The following KCND2 variants were observed in gnomAD, a reference collection of about 807,000 sequenced individuals.
KCND2 encodes the protein potassium voltage-gated channel subfamily D member 2.
Under a neutral mutation model 54.4 loss-of-function variants are expected in KCND2, and 16 were observed. That is an observed-to-expected ratio of 0.29 (90% CI 0.20 to 0.45). The LOEUF is 0.45. KCND2 is among the 20% of genes least tolerant of loss of function. The pLI is 1.00. For missense variants in KCND2, 486 were observed against 824.2 expected (o/e 0.59, Z 5.02); for synonymous variants, 317 against 310.7 (o/e 1.02, Z -0.21).
intron 1 of KCND2, among the ~76,000 whole-genome samples, chr7:120,599,516 T>C (rs1792788479): frequency 6.6e-6 from 1 of 151,960 alleles, no homozygotes. Flanking sequence ...TATTAATGAG[T>C]TTTGTGTTTG....
chr7:120,549,169 T>G (rs915885604), intron 1 of KCND2, among the ~76,000 whole-genome samples: 1 of 152,004 alleles, frequency 6.6e-6, no homozygotes, highest in Non-Finnish European at 1.5e-5. Context: ...CACATCGGAT[T>G]TAGATGTGGA....
intron 1 of KCND2, among the ~76,000 whole-genome samples, chr7:120,373,083 T>A (rs1365943899): frequency 6.6e-6 from 1 of 151,914 alleles, no homozygotes; most frequent in Non-Finnish European, 1.5e-5. Context: ...ATGTTCCTAT[T>A]CATTGCCAAT....
At chr7:120,341,519 T>C (rs1800239239) in intron 1 of KCND2, among the ~76,000 whole-genome samples, 1 of 152,096 alleles carries the variant, frequency 6.6e-6, no homozygotes, top group Admixed American at 6.6e-5. Flanking sequence ...AAATGACTGC[T>C]AGAGTTGGGA....
At chr7:120,458,422 C>A (rs1802234015) in intron 1 of KCND2, among the ~76,000 whole-genome samples, 1 of 152,124 alleles carries the variant, frequency 6.6e-6, no homozygotes. Context: ...GAAATAAATT[C>A]AGATTCTAAA....
chr7:120,563,342 A>G (rs1792258252), intron 1 of KCND2, among the ~76,000 whole-genome samples: 1 of 152,154 alleles, frequency 6.6e-6, no homozygotes, highest in African/African-American at 2.4e-5. Flanking sequence ...TCACTTAATT[A>G]CCCAACATGT....
intron 1 of KCND2, among the ~76,000 whole-genome samples, chr7:120,657,469 A>G (rs987728752): frequency 1.3e-5 from 2 of 152,240 alleles, no homozygotes; most frequent in East Asian, 3.9e-4. Flanking sequence ...GGCCTCTGTT[A>G]TAACAGGGTC....
At chr7:120,300,715 A>C (rs1479320506) in intron 1 of KCND2, among the ~76,000 whole-genome samples, 2 of 152,118 alleles carry the variant, frequency 1.3e-5, no homozygotes, top group African/African-American at 4.8e-5. Flanking sequence ...CTAGACACTT[A>C]ACATCTCTTC....
chr7:120,374,685 T>G (rs1294065718), intron 1 of KCND2, among the ~76,000 whole-genome samples: 3 of 151,858 alleles, frequency 2.0e-5, no homozygotes, highest in Non-Finnish European at 2.9e-5. Context: ...TTCATGTGGC[T>G]TTGCCTTTCC....
chr7:120,463,160 C>G (rs1158950867), intron 1 of KCND2, among the ~76,000 whole-genome samples: 1 of 151,952 alleles, frequency 6.6e-6, no homozygotes, highest in Non-Finnish European at 1.5e-5. Context: ...CCCTTACAGA[C>G]TAAGATGGTT....
chr7:120,456,155 CACAT>C (rs1584786451), intron 1 of KCND2, among the ~76,000 whole-genome samples: 1 of 152,088 alleles, frequency 6.6e-6, no homozygotes, highest in East Asian at 1.9e-4. Context: ...TTATCTAACT[CACAT>C]GCATGGGTTT....
chr7:120,499,609 C>G (rs780112472), intron 1 of KCND2, among the ~76,000 whole-genome samples: 1 of 152,046 alleles, frequency 6.6e-6, no homozygotes, highest in Admixed American at 6.6e-5. Context: ...ATCTAGAATA[C>G]TTTTCTCAGT....
chr7:120,496,979 TTAA>T (rs766191051), intron 1 of KCND2, among the ~76,000 whole-genome samples: 2 of 152,212 alleles, frequency 1.3e-5, no homozygotes, highest in Non-Finnish European at 2.9e-5. Flanking sequence ...TTAATCTGGC[TTAA>T]TGATTATGAT....
In KCND2 at chr7:120,574,477, A is replaced by G. The variant is rs1423676148; in HGVS notation, c.1116-158426A>G. On this transcript the variant is annotated intron_variant, in intron 1 of 5. Coordinates refer to ENST00000331113, the MANE Select transcript of KCND2 (RefSeq NM_012281.3). ...TATCTGCTAAAGCATACATGGATTT[A>G]AAAGGAGAGAATCTTAACATTTAAT... Among the ~76,000 whole-genome samples the G allele has an allele frequency of 2.0e-5, 3 of 152,232 alleles. No individual in the cohort carries two copies. The East Asian group carries it at 5.8e-4, about 29-fold the overall frequency.
At chr7:120,537,439 T>C (rs1322102799) in intron 1 of KCND2, among the ~76,000 whole-genome samples, 1 of 152,176 alleles carries the variant, frequency 6.6e-6, no homozygotes, top group East Asian at 1.9e-4. Context: ...TAAATGAACA[T>C]TGGCTTCAAA....
chr7:120,437,491 T>C (rs1801884736), intron 1 of KCND2, among the ~76,000 whole-genome samples: 1 of 152,120 alleles, frequency 6.6e-6, no homozygotes, highest in Non-Finnish European at 1.5e-5. Context: ...CATAAGCCAC[T>C]GTGCCCAGCC....
intron 1 of KCND2, among the ~76,000 whole-genome samples, chr7:120,451,903 C>T (rs914293597): frequency 7.2e-5 from 11 of 152,220 alleles, no homozygotes; most frequent in South Asian, 2.1e-4. Flanking sequence ...TAATAGGTAC[C>T]GATTAATCAA....
chr7:120,343,230 G>T (rs564601057), intron 1 of KCND2, among the ~76,000 whole-genome samples: 1 of 152,114 alleles, frequency 6.6e-6, no homozygotes, highest in Non-Finnish European at 1.5e-5. Flanking sequence ...CTAAATATGG[G>T]CCAGTGTGTG....
rs181498702 is a variant in KCND2, at chr7:120,449,246, G to A, written c.1115+173499G>A. Reference sequence around the variant, plus strand: ...CGGGAGGCTGAGGTGGGAGAATGGCGTGAACCCAGGAGGCGGAGCTTTCAG... The same window carrying A: ...CGGGAGGCTGAGGTGGGAGAATGGCATGAACCCAGGAGGCGGAGCTTTCAG... On this transcript the variant is annotated intron_variant, in intron 1 of 5. Coordinates refer to ENST00000331113, the MANE Select transcript of KCND2 (RefSeq NM_012281.3). 8.2e-3 allele frequency among the ~76,000 whole-genome samples: 1,243 copies of A among 151,312 alleles called. 13 individuals are homozygous for A. Among genetic ancestry groups the A allele is most frequent in the African/African-American group, 0.029 (1,179 of 41,068 alleles).
chr7:120,616,447 C>T (rs967113529), intron 1 of KCND2, among the ~76,000 whole-genome samples: 3 of 152,058 alleles, frequency 2.0e-5, no homozygotes, highest in Admixed American at 6.5e-5. Context: ...GTCATGAAAC[C>T]ATTTAAGAAT....
Sources: gnomAD v4.1 joint callset for allele counts (sites outside exome capture counted in the v4.1 genomes callset) on GRCh38, gnomAD v4.1.1 for gene constraint, MANE v1.5 for transcripts, NCBI Gene and HGNC (gene_info 2026-07-23, HGNC 2026-07-21) for gene names.